Variants in ATP6V0A1 observed in about 807,000 individuals in gnomAD.
ATP6V0A1 encodes the protein V-type proton ATPase 116 kDa subunit a 1.
In ATP6V0A1, 43 loss-of-function variants were observed where a neutral mutation model predicts 105.4. That is an observed-to-expected ratio of 0.41 (90% confidence interval 0.32 to 0.53). The LOEUF (loss-of-function observed/expected upper bound fraction) is 0.53, where lower values mean the gene tolerates loss of function less well. Among genes scored for constraint, ATP6V0A1 ranks in the 20% least tolerant of loss-of-function variants. The pLI, the probability that ATP6V0A1 is intolerant of heterozygous loss-of-function variation, is 0.30. For missense variants in ATP6V0A1, 676 were observed against 1,051.1 expected, an observed-to-expected ratio of 0.64 and a Z score of 4.93; for synonymous variants, 362 against 372.8, an observed-to-expected ratio of 0.97 and a Z score of 0.33.
intron 4 of ATP6V0A1, among the ~76,000 whole-genome samples, chr17:42,469,323 CTTTTTTTTT>C (rs58501978): frequency 3.0e-4 from 31 of 102,334 alleles, no homozygotes; most frequent in South Asian, 6.3e-4. Flanking sequence ...AAAGGAAAGA[CTTTTTTTTT>C]TTTTTTTTTT....
chr17:42,510,414 G>A (rs1217534102), intron 19 of ATP6V0A1: 1 of 152,264 alleles, frequency 6.6e-6, no homozygotes, highest in Admixed American at 6.5e-5. Flanking sequence ...GGCAACTGAT[G>A]AACACTGGGG....
intron 2 of ATP6V0A1, among the ~76,000 whole-genome samples, chr17:42,462,100 A>T (rs1268805487): frequency 2.7e-5 from 4 of 150,028 alleles, no homozygotes; most frequent in African/African-American, 9.8e-5. Flanking sequence ...CTGTGGTCCC[A>T]GCTGCTTGGG....
intron 2 of ATP6V0A1, 121 bp downstream of exon 2, chr17:42,461,132 T>G (rs2086349167): frequency 1.2e-6 from 1 of 810,740 alleles, no homozygotes; most frequent in African/African-American, 1.7e-5. Context: ...ACTGACTTCC[T>G]ATTGGCAGAA....
intron 14 of ATP6V0A1, 54 bp downstream of exon 14, chr17:42,495,770 G>A (rs2146046919): frequency 7.2e-7 from 1 of 1,392,202 alleles, no homozygotes; most frequent in East Asian, 2.3e-5. Context: ...CACTAACCCT[G>A]AAGCAAGAGA....
At chr17:42,476,331 T>C (rs2088738887) in intron 5 of ATP6V0A1, among the ~76,000 whole-genome samples, 2 of 152,192 alleles carry the variant, frequency 1.3e-5, no homozygotes, top group South Asian at 2.1e-4. Flanking sequence ...TTTCCCCCTT[T>C]TTGCTATGTT....
intron 21 of ATP6V0A1, chr17:42,520,269 G>A (rs539418812): frequency 7.8e-5 from 28 of 359,162 alleles, no homozygotes; most frequent in African/African-American, 5.1e-4. Context: ...TGGTTGCTGG[G>A]CAGCTGTCCA....
intron 20 of ATP6V0A1, 58 bp downstream of exon 20, chr17:42,514,036 C>A: frequency 1.3e-6 from 2 of 1,536,278 alleles, no homozygotes; most frequent in Non-Finnish European, 1.8e-6. Flanking sequence ...GGCGCACTGT[C>A]AGTTGGGGGG....
At chr17:42,475,993 A>C (rs970795733) in intron 5 of ATP6V0A1, among the ~76,000 whole-genome samples, 3 of 152,202 alleles carry the variant, frequency 2.0e-5, no homozygotes, top group Non-Finnish European at 2.9e-5. Context: ...TGAGACAGGC[A>C]GGCAAGTAGG....
chr17:42,474,227 C>T (rs913501783), intron 5 of ATP6V0A1, among the ~76,000 whole-genome samples: 1 of 152,078 alleles, frequency 6.6e-6, no homozygotes, highest in African/African-American at 2.4e-5. Flanking sequence ...TGGTCTCGAA[C>T]TCTGACCTCG....
chr17:42,486,871 C>G lies in ATP6V0A1; in HGVS notation c.811-284C>G, dbSNP rs563393420. 1.2e-4 allele frequency among the ~76,000 whole-genome samples: 19 copies of G among 152,280 alleles called. 1 individual carries two copies. In the South Asian group the frequency reaches 3.9e-3, roughly 32 times the overall value. ...AATAAGCCAAGTTAAAGGCAGTGAC[C>G]TACATTTGTTGTGCCTTGGATTGGT... On this transcript the variant is annotated intron_variant, in intron 9 of 21. Coordinates refer to ENST00000343619, the MANE Select transcript of ATP6V0A1 (RefSeq NM_001130021.3).
chr17:42,475,164 C>T (rs1420666664), intron 5 of ATP6V0A1, among the ~76,000 whole-genome samples: 1 of 152,168 alleles, frequency 6.6e-6, no homozygotes, highest in South Asian at 2.1e-4. Context: ...TCCTTTGGGG[C>T]CTAGGTGAAT....
intron 8 of ATP6V0A1, 91 bp from the exon 9 acceptor site, chr17:42,482,947 T>A: frequency 4.9e-6 from 3 of 615,332 alleles, no homozygotes; most frequent in Non-Finnish European, 7.2e-6. Flanking sequence ...TCTGACCTAA[T>A]CCTGTTTTGG....
intron 17 of ATP6V0A1, among the ~76,000 whole-genome samples, chr17:42,503,300 C>T (rs894956305): frequency 1.3e-5 from 2 of 152,204 alleles, no homozygotes; most frequent in African/African-American, 4.8e-5. Flanking sequence ...TAGAGTGATG[C>T]TTGGACATTT....
chr17:42,516,594 A>C (rs1460175804), intron 21 of ATP6V0A1, among the ~76,000 whole-genome samples: 1 of 152,128 alleles, frequency 6.6e-6, no homozygotes, highest in Non-Finnish European at 1.5e-5. Context: ...CCTGGGTTTG[A>C]GGGAACAGTG....
intron 14 of ATP6V0A1, among the ~76,000 whole-genome samples, chr17:42,497,303 A>AAC (rs1241737229): frequency 1.4e-5 from 2 of 147,528 alleles, no homozygotes; most frequent in African/African-American, 5.0e-5. Context: ...CCTGTCTCAA[A>AAC]AAAAAAAAAA....
chr17:42,513,821 C>T (rs1599137342), intron 19 of ATP6V0A1, 40 bp from the exon 20 acceptor site: 1 of 1,585,200 alleles, frequency 6.3e-7, no homozygotes, highest in African/African-American at 1.3e-5. Context: ...ACGTTCCCCT[C>T]CTAGCCTTAT....
At chr17:42,504,830 T>A (rs1242310507) in intron 17 of ATP6V0A1, among the ~76,000 whole-genome samples, 1 of 152,126 alleles carries the variant, frequency 6.6e-6, no homozygotes, top group Admixed American at 6.6e-5. Context: ...ACAGTCCTCC[T>A]CTTCAGGGGG....
At position 42,479,693 on chromosome 17, in the gene ATP6V0A1, G is replaced by A. The variant is rs140478123; in HGVS notation, c.634-974G>A. Among the ~76,000 whole-genome samples the A allele has an allele frequency of 9.6e-4, 146 of 152,312 alleles. 3 individuals are homozygous for A. In the East Asian group the frequency reaches 0.014, roughly 14 times the overall value. ...CTGCAGGTCTTTCATCCTCCATGCC[G>A]TGGAGGAGTGTGGTTACACTTCAGG... On this transcript the variant is annotated intron_variant, in intron 7 of 21. Coordinates refer to ENST00000343619, the MANE Select transcript of ATP6V0A1 (RefSeq NM_001130021.3).
At position 42,478,568 on chromosome 17, in the gene ATP6V0A1, C is replaced by A; in HGVS notation, c.612C>A (p.Asn204Lys). Residue 204 changes from asparagine to lysine, a missense_variant, in exon 7 of 22, where the codon AAC (asparagine) becomes AAA (lysine). Transcript: ENST00000343619. ...TCCTGCGACAGGCTGAAATCGAGAA[C>A]CCCCTGGAGGATCCTGTGACTGTAA... Reference protein sequence around the residue: ...NVFLRQAEIENPLEDPVTGDY... With the variant: ...NVFLRQAEIEKPLEDPVTGDY... The A allele has an allele frequency of 6.3e-7, 1 of 1,592,916 alleles. No homozygotes were observed. Among genetic ancestry groups the A allele is most frequent in the Non-Finnish European group, 8.6e-7 (1 of 1,167,082 alleles).
Sources: gnomAD v4.1 joint callset for allele counts (sites outside exome capture counted in the v4.1 genomes callset) on GRCh38, gnomAD v4.1.1 for gene constraint, MANE v1.5 for transcripts, NCBI Gene and HGNC (gene_info 2026-07-23, HGNC 2026-07-21) for gene names.